The following UNC13C variants were observed in gnomAD, a reference collection of about 807,000 sequenced individuals.
The protein encoded by UNC13C is unc-13 homolog C, also known as protein unc-13 homolog C.
In UNC13C, 174 loss-of-function variants were observed where a neutral mutation model predicts 245.4. The ratio of observed to expected loss-of-function variants is 0.71; its 90% CI spans 0.63 to 0.80. The LOEUF is 0.80. Among genes scored for constraint, UNC13C ranks in the 30% least tolerant of loss-of-function variants. The pLI is 0.00. For missense variants in UNC13C, 2,829 were observed against 2,602.9 expected (o/e 1.09, Z -1.89); for synonymous variants, 992 against 895.1 (o/e 1.11, Z -1.93).
chr15:54,406,181 C>T (rs946171545), intron 18 of UNC13C, among the ~76,000 whole-genome samples: 13 of 152,072 alleles, frequency 8.5e-5, no homozygotes, highest in Non-Finnish European at 4.4e-5. Flanking sequence ...GTGCTAGGTT[C>T]GACGAAAAGT....
chr15:54,183,095 A>G (rs967645498), intron 4 of UNC13C, among the ~76,000 whole-genome samples: 4 of 151,970 alleles, frequency 2.6e-5, no homozygotes, highest in Non-Finnish European at 5.9e-5. Flanking sequence ...AAATAAAAAC[A>G]TTTTACAAAC....
At chr15:54,238,637 A>G (rs1019663156) in intron 7 of UNC13C, among the ~76,000 whole-genome samples, 1 of 152,154 alleles carries the variant, frequency 6.6e-6, no homozygotes, top group African/African-American at 2.4e-5. Flanking sequence ...TTTTTATTAC[A>G]ATTATTTTGA....
chr15:53,889,621 G>C, the UNC13C span, among the ~76,000 whole-genome samples: 1 of 152,176 alleles, frequency 6.6e-6, no homozygotes, highest in African/African-American at 2.4e-5. Flanking sequence ...GGGCATCCTT[G>C]TCTTGTGCTG....
At chr15:54,325,765 C>T (rs769281543) in intron 14 of UNC13C, among the ~76,000 whole-genome samples, 6 of 151,864 alleles carry the variant, frequency 4.0e-5, no homozygotes, top group African/African-American at 7.3e-5. Context: ...TGAAAGAAAG[C>T]GTGAAATTGG....
At chr15:54,446,167 A>G (rs1012139434) in intron 19 of UNC13C, among the ~76,000 whole-genome samples, 3 of 152,052 alleles carry the variant, frequency 2.0e-5, no homozygotes, top group African/African-American at 7.2e-5. Flanking sequence ...TATTTTGGTA[A>G]CAGTACCATT....
At chr15:54,175,082 AT>A (rs2033560143) in intron 4 of UNC13C, among the ~76,000 whole-genome samples, 1 of 152,034 alleles carries the variant, frequency 6.6e-6, no homozygotes, top group Admixed American at 6.6e-5. Flanking sequence ...CAACTCCTTA[AT>A]TCCCCAGCCT....
intron 19 of UNC13C, among the ~76,000 whole-genome samples, chr15:54,427,658 A>C (rs2040786245): frequency 6.6e-6 from 1 of 151,844 alleles, no homozygotes; most frequent in East Asian, 1.9e-4. Context: ...TAAAACATTT[A>C]TAACTTTAAT....
rs2141323312 is a variant in UNC13C, at chr15:54,627,122, C to T, written c.*9C>T. The T allele has an allele frequency of 6.2e-7, 1 of 1,600,004 alleles. No individual in the cohort carries two copies. The highest frequency in any genetic ancestry group is 8.5e-7 in the Non-Finnish European group (1 of 1,172,174). On this transcript the variant is annotated 3_prime_UTR_variant, in exon 33 of 33. Transcript: ENST00000260323. ...CTGAAGAGAGTGCTTGAAACAAACA[C>T]TGCAAGCTAAATACATAACTATAAT... is the stretch of plus-strand genomic sequence containing the variant.
intron 26 of UNC13C, among the ~76,000 whole-genome samples, chr15:54,544,967 C>CA (rs767376731): frequency 6.6e-5 from 10 of 152,052 alleles, no homozygotes; most frequent in Non-Finnish European, 1.2e-4. Context: ...CATATGGAAT[C>CA]AAAAAAGAGC....
intron 8 of UNC13C, among the ~76,000 whole-genome samples, chr15:54,255,171 T>C (rs1233658355): frequency 6.6e-6 from 1 of 152,176 alleles, no homozygotes; most frequent in Admixed American, 6.5e-5. Context: ...TAGCTTCCCG[T>C]AGGTGGCCTG....
chr15:54,382,858 A>G (rs747143810), intron 17 of UNC13C, among the ~76,000 whole-genome samples: 6 of 152,174 alleles, frequency 3.9e-5, no homozygotes, highest in Non-Finnish European at 8.8e-5. Context: ...GAAATGAAAA[A>G]GGAGACATTA....
chr15:54,120,979 T>C (rs1028998896), intron 2 of UNC13C, among the ~76,000 whole-genome samples: 2 of 152,134 alleles, frequency 1.3e-5, no homozygotes, highest in Non-Finnish European at 2.9e-5. Flanking sequence ...CATCTACTCC[T>C]GGTGAAGATG....
At chr15:54,414,787 A>G (rs1407310008) in intron 18 of UNC13C, among the ~76,000 whole-genome samples, 195 bp from the exon 19 acceptor site, 1 of 152,108 alleles carries the variant, frequency 6.6e-6, no homozygotes, top group African/African-American at 2.4e-5. Flanking sequence ...CTTACCATCC[A>G]ATAACTTTTT....
rs1029484999 is a variant in UNC13C at position 54,235,720 on chromosome 15, G to A, written c.3150+612G>A. The stretch of plus-strand genomic sequence containing the variant: ...ACAAAAAATTAACTGGAGTGGTTGT[G>A]GGCACCTGTAGTCCCAGCTACTCTG... On this transcript the variant is annotated intron_variant, in intron 5 of 32. Coordinates refer to ENST00000260323, the MANE Select transcript of UNC13C (RefSeq NM_001080534.3). 1.6e-4 allele frequency among the ~76,000 whole-genome samples: 24 copies of A among 152,164 alleles called. 2 individuals carry two copies. Among genetic ancestry groups the A allele is most frequent in the African/African-American group, 5.8e-4 (24 of 41,510 alleles).
chr15:54,583,280 A>C (rs1411232636), intron 30 of UNC13C, among the ~76,000 whole-genome samples: 1 of 152,224 alleles, frequency 6.6e-6, no homozygotes, highest in Non-Finnish European at 1.5e-5. Context: ...GAATAGGAAC[A>C]TATAGAGTCA....
At chr15:54,629,889 T>C (rs953675688), downstream of UNC13C, 2 of 152,234 alleles carry the variant, frequency 1.3e-5, no homozygotes, top group African/African-American at 4.8e-5. Flanking sequence ...ATTAAGTCTA[T>C]TTATGACTAT....
intron 2 of UNC13C, among the ~76,000 whole-genome samples, chr15:54,101,609 CT>C (rs1350079277): frequency 6.6e-6 from 1 of 151,728 alleles, no homozygotes; most frequent in Non-Finnish European, 1.5e-5. Flanking sequence ...GACAAGGAAT[CT>C]TGCTCCATTG....
chr15:54,252,461 C>A (rs1003341303), intron 8 of UNC13C, among the ~76,000 whole-genome samples: 2 of 151,998 alleles, frequency 1.3e-5, no homozygotes, highest in African/African-American at 4.8e-5. Context: ...ATGCATGCCC[C>A]AGGGAGGGTT....
At chr15:54,629,032 A>T (rs140620223), downstream of UNC13C, 1 of 152,334 alleles carries the variant, frequency 6.6e-6, no homozygotes, top group East Asian at 1.9e-4. Flanking sequence ...ACATGGAACC[A>T]TCCTAAATGC....
Sources: gnomAD v4.1 joint callset for allele counts (sites outside exome capture counted in the v4.1 genomes callset) on GRCh38, gnomAD v4.1.1 for gene constraint, MANE v1.5 for transcripts, NCBI Gene and HGNC (gene_info 2026-07-23, HGNC 2026-07-21) for gene names.